PUM1: variants seen among roughly 807,000 people sequenced by gnomAD.
The protein encoded by PUM1 is pumilio homolog 1.
PUM1 carries 13 observed loss-of-function variants against 131.8 expected under a neutral mutation model. That is an observed-to-expected ratio of 0.10 (90% CI 0.06 to 0.16). The LOEUF is 0.16. Among genes scored for constraint, PUM1 ranks in the 10% least tolerant of loss-of-function variants. PUM1 has a pLI of 1.00. For missense variants in PUM1, 961 were observed against 1,512.4 expected (o/e 0.64, Z 6.05); for synonymous variants, 509 against 556.5 (o/e 0.91, Z 1.20).
intron 20 of PUM1, among the ~76,000 whole-genome samples, chr1:30,940,559 T>C (rs1479126400): frequency 1.3e-5 from 2 of 152,192 alleles, no homozygotes; most frequent in African/African-American, 4.8e-5. Flanking sequence ...GGGAAGAATA[T>C]ATTCCAAAAA....
intron 1 of PUM1, among the ~76,000 whole-genome samples, chr1:31,060,216 T>C (rs1644337823): frequency 6.7e-6 from 1 of 149,756 alleles, no homozygotes; most frequent in South Asian, 2.2e-4. Flanking sequence ...ATCCCAGCAC[T>C]TTGGGAGGCC....
At chr1:30,949,289 T>G in intron 17 of PUM1, 1 of 345,508 alleles carries the variant, frequency 2.9e-6, no homozygotes, top group Non-Finnish European at 5.6e-6. Flanking sequence ...CACCGGAGGC[T>G]GGAGGCACTG....
At chr1:31,054,469 A>G (rs1490438976) in intron 2 of PUM1, among the ~76,000 whole-genome samples, 1 of 149,400 alleles carries the variant, frequency 6.7e-6, no homozygotes, top group African/African-American at 2.5e-5. Context: ...TTACTTCGCT[A>G]GTTCACTAGT....
chr1:30,962,229 C>G lies in PUM1; in HGVS notation c.2323+2445G>C, dbSNP rs189158869. Among the ~76,000 whole-genome samples the G allele has an allele frequency of 8.1e-3, 1,233 of 152,194 alleles. 12 individuals carry two copies. Among genetic ancestry groups the G allele is most frequent in the African/African-American group, 0.027 (1,138 of 41,516 alleles). ...GTTAAACATAAAACTAGGCAGGCAA[C>G]AAGTCATTTGACAAGAAATAACTCA... On this transcript the variant is annotated intron_variant, in intron 14 of 21. Coordinates refer to ENST00000426105, the MANE Select transcript of PUM1 (RefSeq NM_001020658.2).
At chr1:30,951,659 GA>G (rs572563881) in intron 16 of PUM1, among the ~76,000 whole-genome samples, 2 of 151,148 alleles carry the variant, frequency 1.3e-5, no homozygotes, top group South Asian at 4.2e-4. Context: ...TCACTAGAGG[GA>G]AAAGACATCA....
At chr1:31,007,212 G>T in intron 3 of PUM1, 110 bp from the exon 4 acceptor site, 1 of 752,512 alleles carries the variant, frequency 1.3e-6, no homozygotes, top group Non-Finnish European at 2.3e-6. Flanking sequence ...GTGCCCTGAA[G>T]GTCTTTAATT....
At chr1:31,062,624 A>G (rs907134599) in intron 1 of PUM1, among the ~76,000 whole-genome samples, 3 of 151,480 alleles carry the variant, frequency 2.0e-5, no homozygotes, top group African/African-American at 7.3e-5. Context: ...CATCTCAAAA[A>G]AAAAAAAAAA....
At chr1:30,976,510 A>G (rs907534733) in intron 9 of PUM1, among the ~76,000 whole-genome samples, 1 of 152,264 alleles carries the variant, frequency 6.6e-6, no homozygotes, top group Non-Finnish European at 1.5e-5. Flanking sequence ...ATAATTCATT[A>G]AGCCAAAATA....
Position 30,992,740 on chromosome 1 carries a change from C to T in PUM1, c.888-80G>A, listed in dbSNP as rs1641838033. The T allele has an allele frequency of 2.5e-6, 3 of 1,200,914 alleles. No individual in the cohort carries two copies. The East Asian group carries it at 7.0e-5, about 28-fold the overall frequency. The allele number at this position is 1,200,914 out of a possible 1,614,324, so 74.4% of individuals were successfully genotyped here. A position where few individuals can be genotyped will look rare whatever the true frequency, so the allele number is the denominator to read the frequency against. On this transcript the variant is annotated intron_variant, in intron 6 of 21. Transcript: ENST00000426105. ...AGCAACCCAAGTTTAAGGACAATGT[C>T]CTCAACATAGCTCATTATCAACAGT...
chr1:30,993,342 T>TAAA (rs200120030), intron 6 of PUM1, among the ~76,000 whole-genome samples: 8 of 127,060 alleles, frequency 6.3e-5, no homozygotes, highest in East Asian at 4.3e-4. Context: ...GCCTAAGATT[T>TAAA]AAAAAAAAAA....
At chr1:31,052,865 G>A (rs1039701755) in intron 2 of PUM1, among the ~76,000 whole-genome samples, 6 of 151,284 alleles carry the variant, frequency 4.0e-5, no homozygotes, top group African/African-American at 9.7e-5. Context: ...CACGACGCCC[G>A]GCTGATTTTT....
intron 18 of PUM1, among the ~76,000 whole-genome samples, chr1:30,942,945 G>A (rs911078455): frequency 7.9e-5 from 12 of 152,042 alleles, no homozygotes; most frequent in East Asian, 1.9e-4. Context: ...GTGTAGAGAC[G>A]GAGATTCGCT....
At chr1:31,057,003 G>C (rs2124600532) in intron 2 of PUM1, among the ~76,000 whole-genome samples, 1 of 152,212 alleles carries the variant, frequency 6.6e-6, no homozygotes, top group South Asian at 2.1e-4. Flanking sequence ...ATGTTGGTCA[G>C]GCTGGTCTCA....
At chr1:30,970,411 T>C (rs1035479713) in intron 10 of PUM1, among the ~76,000 whole-genome samples, 3 of 152,218 alleles carry the variant, frequency 2.0e-5, no homozygotes, top group African/African-American at 7.2e-5. Context: ...AATTAACAAA[T>C]GATCTTGCAG....
At chr1:31,050,160 GTAAT>G (rs1213552184) in intron 2 of PUM1, among the ~76,000 whole-genome samples, 1 of 152,108 alleles carries the variant, frequency 6.6e-6, no homozygotes, top group Non-Finnish European at 1.5e-5. Flanking sequence ...CTGGAACAAG[GTAAT>G]TCTTAAAGTT....
At chr1:31,029,223 C>T (rs1458983578) in intron 2 of PUM1, among the ~76,000 whole-genome samples, 1 of 152,158 alleles carries the variant, frequency 6.6e-6, no homozygotes, top group Non-Finnish European at 1.5e-5. Context: ...GACTATGTGA[C>T]CTAATGAGTC....
chr1:30,961,150 G>A (rs1264109607), intron 14 of PUM1, among the ~76,000 whole-genome samples: 3 of 151,560 alleles, frequency 2.0e-5, no homozygotes, highest in Non-Finnish European at 2.9e-5. Flanking sequence ...CCGAGATCAC[G>A]CCACTGCATT....
chr1:30,952,442 C>T (rs1200240623), intron 15 of PUM1, 79 bp from the exon 16 acceptor site: 4 of 1,599,134 alleles, frequency 2.5e-6, no homozygotes, highest in Admixed American at 1.7e-5. Context: ...GGTTTATAGA[C>T]TGCATCCGTT....
intron 14 of PUM1, among the ~76,000 whole-genome samples, chr1:30,958,963 T>C (rs1388226041): frequency 2.6e-5 from 4 of 152,110 alleles, no homozygotes; most frequent in South Asian, 2.1e-4. Context: ...GAGAGGAAGA[T>C]TGAGAGAGAG....
Sources: gnomAD v4.1 joint callset for allele counts (sites outside exome capture counted in the v4.1 genomes callset) on GRCh38, gnomAD v4.1.1 for gene constraint, MANE v1.5 for transcripts, NCBI Gene and HGNC (gene_info 2026-07-23, HGNC 2026-07-21) for gene names.